GAB1: variants seen among roughly 807,000 people sequenced by gnomAD.
GAB1 encodes GRB2-associated-binding protein 1.
GAB1 carries 19 observed loss-of-function variants against 66.5 expected under a neutral mutation model. That is an observed-to-expected ratio of 0.29 (90% CI 0.20 to 0.42). The LOEUF (loss-of-function observed/expected upper bound fraction) is 0.42, where lower values mean the gene tolerates loss of function less well. Among genes scored for constraint, GAB1 ranks in the 10% least tolerant of loss-of-function variants. GAB1 has a pLI of 1.00. For missense variants in GAB1, 732 were observed against 858.5 expected, an observed-to-expected ratio of 0.85 and a Z score of 1.84; for synonymous variants, 294 against 301.4, an observed-to-expected ratio of 0.98 and a Z score of 0.25.
Position 143,456,196 on chromosome 4 carries a change from G to A in GAB1, c.1586-3189G>A, listed in dbSNP as rs371854226. ...ATCGTAGCCGGGCGCGGTGGCTTACGCCTGTAATCCCAGCACTTTGGGAGG... is the reference window on the plus strand; with the variant it reads ...ATCGTAGCCGGGCGCGGTGGCTTACACCTGTAATCCCAGCACTTTGGGAGG... On this transcript the variant is annotated intron_variant, in intron 6 of 9. Coordinates refer to ENST00000262994, the MANE Select transcript of GAB1 (RefSeq NM_002039.4). 4.2e-4 allele frequency among the ~76,000 whole-genome samples: 64 copies of A among 152,250 alleles called. No individual in the cohort carries two copies. In the South Asian group the frequency reaches 0.011, roughly 27 times the overall value.
At chr4:143,412,521 ATCT>A (rs1436678915) in intron 1 of GAB1, among the ~76,000 whole-genome samples, 5 of 152,230 alleles carry the variant, frequency 3.3e-5, no homozygotes, top group South Asian at 2.1e-4. Context: ...CGTGGTCACT[ATCT>A]TCTTGAACTT....
intron 1 of GAB1, chr4:143,350,144 A>G: frequency 3.5e-6 from 3 of 852,410 alleles, no homozygotes; most frequent in Non-Finnish European, 5.5e-6. Flanking sequence ...AAAGAAGCTG[A>G]TTTTTAAAAG....
intron 1 of GAB1, chr4:143,349,764 C>T: frequency 1.3e-6 from 2 of 1,590,554 alleles, no homozygotes; most frequent in East Asian, 2.2e-5. Flanking sequence ...CATTGTAGTC[C>T]CCGATAGCAA....
chr4:143,458,393 A>G (rs374212739), intron 6 of GAB1, among the ~76,000 whole-genome samples: 10 of 152,228 alleles, frequency 6.6e-5, no homozygotes, highest in South Asian at 2.1e-4. Context: ...CATTCATTTT[A>G]TAGTGTAATG....
chr4:143,396,490 T>G (rs1731462891), intron 1 of GAB1, among the ~76,000 whole-genome samples: 1 of 152,120 alleles, frequency 6.6e-6, no homozygotes, highest in African/African-American at 2.4e-5. Context: ...TGATTAAAAA[T>G]AGCAGCTCGA....
chr4:143,394,177 G>A (rs1342786944), intron 1 of GAB1, among the ~76,000 whole-genome samples: 1 of 152,206 alleles, frequency 6.6e-6, no homozygotes, highest in Non-Finnish European at 1.5e-5. Flanking sequence ...AGGAGGCTGA[G>A]TCAGGAGAAA....
At position 143,414,554 on chromosome 4, in the gene GAB1, G is replaced by A. The variant is rs75769632; in HGVS notation, c.73-923G>A. Among the ~76,000 whole-genome samples the A allele has an allele frequency of 2.7e-3, 409 of 152,162 alleles. 1 individual carries two copies. Among genetic ancestry groups the A allele is most frequent in the African/African-American group, 7.8e-3 (323 of 41,520 alleles). ...ATACTCAAGAATACAGGTCTTACTC[G>A]TATAGTCTTTGAACAACAGGCTGTG... On this transcript the variant is annotated intron_variant, in intron 1 of 9. Coordinates refer to ENST00000262994, the MANE Select transcript of GAB1 (RefSeq NM_002039.4).
At chr4:143,350,757 A>G (rs1729173323) in intron 1 of GAB1, among the ~76,000 whole-genome samples, 1 of 151,968 alleles carries the variant, frequency 6.6e-6, no homozygotes, top group Non-Finnish European at 1.5e-5. Flanking sequence ...AGATTTATAT[A>G]AAATATATTT....
chr4:143,399,518 C>T (rs1731638513), intron 1 of GAB1, among the ~76,000 whole-genome samples: 1 of 152,144 alleles, frequency 6.6e-6, no homozygotes, highest in African/African-American at 2.4e-5. Flanking sequence ...GCAGTGCTTG[C>T]CTTTTTTGAA....
chr4:143,352,877 C>T (rs1729286668), intron 1 of GAB1, among the ~76,000 whole-genome samples: 1 of 152,060 alleles, frequency 6.6e-6, no homozygotes, highest in Admixed American at 6.6e-5. Context: ...AAAAGATAAG[C>T]GTTTAGTTTT....
rs1189519268 is a variant in GAB1, at chr4:143,434,476, C to T, written c.593+760C>T. Among the ~76,000 whole-genome samples the T allele has an allele frequency of 2.6e-5, 4 of 151,620 alleles. No homozygotes were observed. The South Asian group carries it at 8.3e-4, about 32-fold the overall frequency. ...CTCAAGTATTCCTTCTGCCTCAGCC[C>T]CCAGGTAGCTAGGACTTCAGGTGCA... On this transcript the variant is annotated intron_variant, in intron 3 of 9. Coordinates refer to ENST00000262994, the MANE Select transcript of GAB1 (RefSeq NM_002039.4).
At chr4:143,358,061 G>A (rs868162254) in intron 1 of GAB1, among the ~76,000 whole-genome samples, 2 of 152,060 alleles carry the variant, frequency 1.3e-5, no homozygotes, top group Middle Eastern at 6.8e-3. Context: ...AAAGAACTCC[G>A]GTACGTTAAA....
Position 143,460,409 on chromosome 4 carries a change from CA to C in GAB1, c.1726del (p.Thr576GlnfsTer17), listed in dbSNP as rs1235565216. On this transcript the variant is annotated frameshift_variant, in exon 8 of 10. Coordinates refer to ENST00000262994, the MANE Select transcript of GAB1 (RefSeq NM_002039.4). LOFTEE classifies it high-confidence loss of function. ...CCCCCCGACCAGATTCAGTGCATAG[CA>C]CAACTTCAAGCAGTGACTCACACGA... Reference protein sequence around the residue: ...MSPRPDSVHSTTSSSDSHDSE... With the variant: ...MSPRPDSVHSXTSSSDSHDSE... 1 of 1,613,512 alleles carries C rather than the reference CA, an allele frequency of 6.2e-7. No individual in the cohort carries two copies. Among genetic ancestry groups the C allele is most frequent in the East Asian group, 2.2e-5 (1 of 44,854 alleles).
intron 1 of GAB1, chr4:143,395,937 G>A (rs1304279804): frequency 2.2e-6 from 1 of 455,924 alleles, no homozygotes; most frequent in Non-Finnish European, 4.4e-6. Context: ...TGAAATTTGT[G>A]TGCCAGTCTT....
chr4:143,340,707 C>T (rs557088091), intron 1 of GAB1, among the ~76,000 whole-genome samples: 15 of 152,152 alleles, frequency 9.9e-5, no homozygotes, highest in Non-Finnish European at 1.8e-4. Context: ...GATGGGATTT[C>T]GCCAGGCTGG....
At chr4:143,398,930 T>C (rs1731601506) in intron 1 of GAB1, among the ~76,000 whole-genome samples, 1 of 152,058 alleles carries the variant, frequency 6.6e-6, no homozygotes. Flanking sequence ...AAATGGGCAG[T>C]TGGTTTAGAA....
chr4:143,424,679 G>C (rs1380013850), intron 2 of GAB1: 3 of 159,116 alleles, frequency 1.9e-5, no homozygotes, highest in Admixed American at 1.2e-4. Flanking sequence ...GAAAGAAAAG[G>C]CTGGGCACGG....
In GAB1 at chr4:143,461,862, T is replaced by C. The variant is rs897856348; in HGVS notation, c.1803+1375T>C. 3.3e-5 allele frequency among the ~76,000 whole-genome samples: 5 copies of C among 152,250 alleles called. No individual in the cohort carries two copies. In the East Asian group the frequency reaches 7.7e-4, roughly 23 times the overall value. On this transcript the variant is annotated intron_variant, in intron 8 of 9. Transcript: ENST00000262994. ...TTGGTTTTTCATCCTTAATAGACTT[T>C]AGGCAGAACCAGCTTTCTTAAAACT...
chr4:143,454,843 A>G (rs1267282860), intron 6 of GAB1, among the ~76,000 whole-genome samples: 2 of 152,010 alleles, frequency 1.3e-5, no homozygotes, highest in African/African-American at 2.4e-5. Flanking sequence ...TTTCAGTTTG[A>G]AAATCATTCT....
Sources: allele counts gnomAD v4.1 joint callset (sites outside exome capture counted in the v4.1 genomes callset), GRCh38; gene constraint gnomAD v4.1.1; transcripts MANE v1.5; gene names NCBI Gene and HGNC (gene_info 2026-07-23, HGNC 2026-07-21).